The following SULF1 variants were observed in gnomAD, a reference collection of about 807,000 sequenced individuals.
SULF1 encodes the protein sulfatase 1, also known as extracellular sulfatase Sulf-1.
A neutral mutation model predicts 110.5 loss-of-function variants in SULF1; 46 were observed. That is an observed-to-expected ratio of 0.42 (90% CI 0.33 to 0.53). The LOEUF is 0.53. SULF1 is among the 20% of genes least tolerant of loss of function. SULF1 has a pLI of 0.12. For synonymous variants in SULF1, 371 were observed against 387.1 expected (o/e 0.96, Z 0.49); for missense variants, 941 against 1,094.2 (o/e 0.86, Z 1.98).
At chr8:69,514,032 T>C (rs1418597493) in intron 3 of SULF1, among the ~76,000 whole-genome samples, 3 of 152,198 alleles carry the variant, frequency 2.0e-5, no homozygotes, top group African/African-American at 7.2e-5. Flanking sequence ...TCACTTAATC[T>C]TTCTGGGCCT....
At position 69,598,373 on chromosome 8, in the gene SULF1, TTTG is replaced by T. The variant is rs931090119; in HGVS notation, c.735-2227_735-2225del. 1.1e-4 allele frequency among the ~76,000 whole-genome samples: 16 copies of T among 151,992 alleles called. 2 individuals are homozygous for T. Among genetic ancestry groups the T allele is most frequent in the Admixed American group, 9.8e-4 (15 of 15,234 alleles). ...GGTTGTTCCTCAAAACAGCTTTGGG[TTTG>T]TTTTTTGTTTTTTGTTGTTAGTGGT... On this transcript the variant is annotated intron_variant, in intron 8 of 22. Transcript: ENST00000402687.
At chr8:69,587,583 G>A (rs1363490994) in intron 7 of SULF1, among the ~76,000 whole-genome samples, 1 of 152,164 alleles carries the variant, frequency 6.6e-6, no homozygotes, top group Non-Finnish European at 1.5e-5. Context: ...GTCCTCATTT[G>A]CAAAGATGAG....
chr8:69,468,416 T>A (rs895325976), intron 1 of SULF1, among the ~76,000 whole-genome samples: 6 of 152,198 alleles, frequency 3.9e-5, no homozygotes, highest in Non-Finnish European at 7.3e-5. Flanking sequence ...ATCCTTTTTT[T>A]AAAAAAGTTA....
intron 5 of SULF1, among the ~76,000 whole-genome samples, chr8:69,565,340 G>A (rs563491425): frequency 1.3e-5 from 2 of 152,156 alleles, no homozygotes; most frequent in Non-Finnish European, 2.9e-5. Flanking sequence ...TGTAAGTGGT[G>A]GTTTAAATGT....
At position 69,605,017 on chromosome 8, in the gene SULF1, C is replaced by T. The variant is rs921861160; in HGVS notation, c.1377+85C>T. 1.7e-5 allele frequency: 26 copies of T among 1,559,794 alleles called. No homozygotes were observed. The African/African-American group carries it at 2.9e-4, about 17-fold the overall frequency. The stretch of plus-strand genomic sequence containing the variant: ...AATTGTCCACATATAAAAGAATGTA[C>T]ATTTGTGTATAAATAAGCTTTTCCT... On this transcript the variant is annotated intron_variant, in intron 13 of 22. Coordinates refer to ENST00000402687, the MANE Select transcript of SULF1 (RefSeq NM_001128205.2).
intron 22 of SULF1, among the ~76,000 whole-genome samples, chr8:69,653,804 CTT>C (rs1484894446): frequency 1.3e-5 from 2 of 152,186 alleles, no homozygotes; most frequent in South Asian, 2.1e-4. Flanking sequence ...AAAAGACACT[CTT>C]ATCTCCCTGG....
At chr8:69,527,232 T>C (rs1812761820) in intron 3 of SULF1, among the ~76,000 whole-genome samples, 1 of 152,072 alleles carries the variant, frequency 6.6e-6, no homozygotes, top group Non-Finnish European at 1.5e-5. Context: ...TTTTAACGGT[T>C]CGTAACCATA....
chr8:69,499,394 T>A (rs1810629716), intron 2 of SULF1, among the ~76,000 whole-genome samples: 1 of 152,222 alleles, frequency 6.6e-6, no homozygotes, highest in Admixed American at 6.5e-5. Flanking sequence ...AAGAATAAAT[T>A]TGTTTTAACT....
intron 8 of SULF1, among the ~76,000 whole-genome samples, chr8:69,593,288 C>A (rs540193738): frequency 9.3e-4 from 141 of 152,292 alleles, no homozygotes; most frequent in African/African-American, 3.2e-3. Context: ...TGCTCAATGA[C>A]CAGCTTCCTT....
At chr8:69,627,956 C>T in intron 17 of SULF1, 90 bp downstream of exon 17, 1 of 1,004,726 alleles carries the variant, frequency 1.0e-6, no homozygotes, top group South Asian at 1.5e-5. Context: ...TCTCTCTTAC[C>T]TATAGAATGT....
At chr8:69,517,490 C>A (rs897191918) in intron 3 of SULF1, among the ~76,000 whole-genome samples, 2 of 151,932 alleles carry the variant, frequency 1.3e-5, no homozygotes, top group African/African-American at 4.8e-5. Flanking sequence ...AATTTAGGAA[C>A]CAGGAAGTAA....
At chr8:69,543,955 A>C (rs1015837587) in intron 3 of SULF1, among the ~76,000 whole-genome samples, 2 of 152,200 alleles carry the variant, frequency 1.3e-5, no homozygotes, top group African/African-American at 4.8e-5. Flanking sequence ...GTATATAATC[A>C]ATGTCAGTAT....
At chr8:69,507,235 T>C (rs966404750) in intron 3 of SULF1, among the ~76,000 whole-genome samples, 1 of 152,184 alleles carries the variant, frequency 6.6e-6, no homozygotes, top group Non-Finnish European at 1.5e-5. Context: ...TGCAGGATAA[T>C]TTTAAATGGC....
intron 22 of SULF1, among the ~76,000 whole-genome samples, chr8:69,650,584 T>C (rs1812261845): frequency 6.6e-6 from 1 of 152,208 alleles, no homozygotes. Flanking sequence ...CATTCCAACC[T>C]GGATGACAGA....
Position 69,623,953 on chromosome 8 carries a change from A to G in SULF1, c.1606A>G (p.Arg536Gly), listed in dbSNP as rs772390439. 6.3e-5 allele frequency: 101 copies of G among 1,613,422 alleles called. No individual in the cohort carries two copies. The highest frequency in any genetic ancestry group is 7.4e-5 in the Non-Finnish European group (87 of 1,179,702). The change falls in exon 15 of 23, where the codon AGA becomes GGA. Residue 536 changes from arginine (R) to glycine (G), a missense_variant. Arg to Gly is a moderately radical substitution (Grantham distance 125). Coordinates refer to ENST00000402687, the MANE Select transcript of SULF1 (RefSeq NM_001128205.2). ...TCCCTTACTTCTAGAGTACAAGCCC[A>G]GATTTGTCCATACTCGGCAGACACG... ...RNQGTPKYKPRFVHTRQTRSL... is the reference protein window; with the variant it reads ...RNQGTPKYKPGFVHTRQTRSL...
intron 3 of SULF1, among the ~76,000 whole-genome samples, chr8:69,550,549 GGAGCTGGC>G (rs1814626454): frequency 6.6e-6 from 1 of 152,070 alleles, no homozygotes; most frequent in Non-Finnish European, 1.5e-5. Context: ...GAATGAAGGA[GGAGCTGGC>G]GATAAAATGA....
At chr8:69,519,183 A>G (rs1451840367) in intron 3 of SULF1, among the ~76,000 whole-genome samples, 1 of 152,158 alleles carries the variant, frequency 6.6e-6, no homozygotes, top group African/African-American at 2.4e-5. Context: ...GTCCCACCAC[A>G]TTCATATTCA....
chr8:69,620,977 CTTAATAA>C lies in SULF1; in HGVS notation c.1378-57_1378-51del, dbSNP rs1373488818. 4 of 1,433,504 alleles carry C rather than the reference CTTAATAA, an allele frequency of 2.8e-6. No homozygotes were observed. In the East Asian group the frequency reaches 9.2e-5, roughly 33 times the overall value. The allele number at this position is 1,433,504 out of a possible 1,614,324, so 88.8% of individuals were successfully genotyped here. On this transcript the variant is annotated intron_variant, in intron 13 of 22. Coordinates refer to ENST00000402687, the MANE Select transcript of SULF1 (RefSeq NM_001128205.2). ...AAAGAAAAAAACTAAGGCAGCAGCT[CTTAATAA>C]ATAACACCTGGAGCAGAATCGGTAA...
chr8:69,562,463 G>A (rs1039094886), intron 3 of SULF1, among the ~76,000 whole-genome samples: 1 of 152,226 alleles, frequency 6.6e-6, no homozygotes, highest in African/African-American at 2.4e-5. Flanking sequence ...TGGGGACTGA[G>A]TGGCTGATGA....
Sources: gnomAD v4.1 joint callset for allele counts (sites outside exome capture counted in the v4.1 genomes callset) on GRCh38, gnomAD v4.1.1 for gene constraint, MANE v1.5 for transcripts, NCBI Gene and HGNC (gene_info 2026-07-23, HGNC 2026-07-21) for gene names.